UGT1A7: variants seen among roughly 807,000 people sequenced by gnomAD.
UGT1A7 encodes UDP glucuronosyltransferase family 1 member A7.
Under a neutral mutation model 45.6 loss-of-function variants are expected in UGT1A7, and 33 were observed. The observed-to-expected ratio is 0.72, with a 90% CI of 0.55 to 0.97. UGT1A7 has a LOEUF of 0.97. UGT1A7 is among the 50% of genes least tolerant of loss of function. The pLI is 0.00. For missense variants in UGT1A7, 684 were observed against 666.2 expected, an observed-to-expected ratio of 1.03 and a Z score of -0.29; for synonymous variants, 274 against 250.6, an observed-to-expected ratio of 1.09 and a Z score of -0.88.
chr2:233,730,094 A>T, intron 1 of UGT1A7: 1 of 1,593,062 alleles, frequency 6.3e-7, no homozygotes, highest in Non-Finnish European at 8.5e-7. Context: ...ATCTTTCCAA[A>T]TATTTCATTT....
At chr2:233,743,408 C>T in intron 1 of UGT1A7, 1 of 1,315,376 alleles carries the variant, frequency 7.6e-7, no homozygotes. Flanking sequence ...GAAAGGCCCC[C>T]ACTTCCCAGG....
chr2:233,721,938 A>G (rs2076981722), intron 1 of UGT1A7: 13 of 361,422 alleles, frequency 3.6e-5, no homozygotes, highest in South Asian at 2.7e-4. Flanking sequence ...TCCTTCAGAC[A>G]CTTGGTGGCT....
chr2:233,682,812 G>A lies in UGT1A7; in HGVS notation c.855+20G>A, dbSNP rs1274355899. On this transcript the variant is annotated intron_variant, in intron 1 of 4. Coordinates refer to ENST00000373426, the MANE Select transcript of UGT1A7 (RefSeq NM_019077.3). ...CCTATGGTAAGTTATCTCCCCTTTA[G>A]CACATTAAGAATAATCTGGCTTTGG... The A allele has an allele frequency of 3.8e-6, 6 of 1,593,294 alleles. No homozygotes were observed. In the Admixed American group the frequency reaches 8.7e-5, roughly 23 times the overall value.
At chr2:233,743,603 C>T (rs1273601432) in intron 1 of UGT1A7, 1 of 1,367,314 alleles carries the variant, frequency 7.3e-7, no homozygotes, top group East Asian at 4.6e-5. Context: ...GTCCTGGCCG[C>T]CGAAGAACTC....
In UGT1A7 at chr2:233,772,377, C is replaced by T. The variant is rs72551359; in HGVS notation, c.1411C>T (p.Leu471=). The T allele has an allele frequency of 6.2e-7, 1 of 1,614,256 alleles. No homozygotes were observed. Among genetic ancestry groups the T allele is most frequent in the Non-Finnish European group, 8.5e-7 (1 of 1,180,050 alleles). The change falls in exon 5 of 5, where the codon CTG becomes TTG. Residue 471 remains leucine (L), a synonymous_variant. Coordinates refer to ENST00000373426, the MANE Select transcript of UGT1A7 (RefSeq NM_019077.3). The stretch of plus-strand genomic sequence containing the variant: ...GATGAGGCACAAGGGCGCGCCACAC[C>T]TGCGCCCCGCAGCCCACGACCTCAC... ...FVMRHKGAPH[L]RPAAHDLTWY...
At chr2:233,744,534 G>A (rs1692839516) in intron 1 of UGT1A7, among the ~76,000 whole-genome samples, 1 of 151,902 alleles carries the variant, frequency 6.6e-6, no homozygotes. Context: ...TTATTTTTAT[G>A]TAAATTTTAT....
At chr2:233,743,173 A>G (rs890417229) in intron 1 of UGT1A7, 7 of 365,612 alleles carry the variant, frequency 1.9e-5, no homozygotes, top group African/African-American at 1.5e-4. Flanking sequence ...GCTTAAAGTC[A>G]AATGTGGACT....
intron 1 of UGT1A7, among the ~76,000 whole-genome samples, chr2:233,745,386 T>C (rs765197385): frequency 3.3e-5 from 5 of 151,842 alleles, no homozygotes; most frequent in Non-Finnish European, 7.4e-5. Flanking sequence ...TTCACCTCCT[T>C]ATTCTCTTTT....
chr2:233,728,748 G>A (rs2077747178), intron 1 of UGT1A7, among the ~76,000 whole-genome samples: 1 of 152,206 alleles, frequency 6.6e-6, no homozygotes, highest in African/African-American at 2.4e-5. Flanking sequence ...TAGGGCAATG[G>A]TGACTCCTCA....
At position 233,760,794 on chromosome 2, in the gene UGT1A7, ATTC is replaced by A. The variant is rs587776762; in HGVS notation, c.856-6234_856-6232del. On this transcript the variant is annotated intron_variant, in intron 1 of 4. Transcript: ENST00000373426. The stretch of plus-strand genomic sequence containing the variant: ...CCCAGTACCTGTCTCTGCCCACTGT[ATTC>A]TTCTTGCATGCACTGCCATGCAGCC... 8.7e-6 allele frequency: 14 copies of A among 1,613,302 alleles called. No homozygotes were observed. Among genetic ancestry groups the A allele is most frequent in the Non-Finnish European group, 1.2e-5 (14 of 1,179,518 alleles).
At chr2:233,764,663 C>T (rs4148325) in intron 1 of UGT1A7, among the ~76,000 whole-genome samples, 54,844 of 151,792 alleles carry the variant, frequency 0.36, 10,318 homozygotes, top group African/African-American at 0.45. Flanking sequence ...CATTTACCAA[C>T]GCTCAGAAGA....
intron 1 of UGT1A7, chr2:233,741,799 G>C (rs1253457401): frequency 6.6e-6 from 1 of 151,906 alleles, no homozygotes; most frequent in Non-Finnish European, 1.5e-5. Flanking sequence ...TTACCAGCAT[G>C]CTGCTCTTAA....
At chr2:233,724,137 G>C (rs1240134584) in intron 1 of UGT1A7, among the ~76,000 whole-genome samples, 1 of 114,506 alleles carries the variant, frequency 8.7e-6, no homozygotes, top group Non-Finnish European at 1.8e-5. Context: ...CCTCCCGGAC[G>C]GGGCGGCTGG....
intron 4 of UGT1A7, 80 bp from the exon 5 acceptor site, chr2:233,772,181 TC>T: frequency 6.3e-7 from 1 of 1,588,120 alleles, no homozygotes; most frequent in Non-Finnish European, 8.6e-7. Context: ...CTGGTAGTCT[TC>T]TTAAGCAGCC....
chr2:233,769,853 G>T lies in UGT1A7; in HGVS notation c.1295+1414G>T. On this transcript the variant is annotated intron_variant, in intron 4 of 4. Transcript: ENST00000373426. This position sits in a 1 kb window ranked among gnomAD's most constrained non-coding sequence, Gnocchi z 4.4. ...AACCTGGGCAACAGAGTGAGACCCT[G>T]TCTCAAAAAAAAAAAAAAAAATGAA... The T allele has an allele frequency of 4.6e-5, 18 of 388,562 alleles. No individual in the cohort carries two copies. The highest frequency in any genetic ancestry group is 9.6e-5 in the East Asian group (2 of 20,776). 24.1% of individuals were successfully genotyped at this position (388,562 alleles called of 1,614,324 possible).
At chr2:233,747,630 C>G in intron 1 of UGT1A7, 1 of 1,577,990 alleles carries the variant, frequency 6.3e-7, no homozygotes, top group Non-Finnish European at 8.7e-7. Flanking sequence ...CCTGATCAGG[C>G]ACCTGAATGC....
At chr2:233,683,807 T>C (rs149937517) in intron 1 of UGT1A7, among the ~76,000 whole-genome samples, 1 of 152,342 alleles carries the variant, frequency 6.6e-6, no homozygotes, top group Non-Finnish European at 1.5e-5. Flanking sequence ...TATGTAGTCA[T>C]ATTACTAAAC....
intron 1 of UGT1A7, among the ~76,000 whole-genome samples, chr2:233,763,104 C>A (rs548930615): frequency 6.6e-6 from 1 of 152,314 alleles, no homozygotes; most frequent in East Asian, 1.9e-4. Flanking sequence ...AGGCACCGAA[C>A]TTTATCAGCT....
Position 233,682,628 on chromosome 2 carries a change from G to A in UGT1A7, c.691G>A (p.Ala231Thr). 1.9e-6 allele frequency: 3 copies of A among 1,613,870 alleles called. No homozygotes were observed. The highest frequency in any genetic ancestry group is 2.2e-5 in the South Asian group (2 of 91,064). ...TTTTTTCAAAAATGTCTTAGAAATA[G>A]CCTCTGAAATTCTCCAAACCCCTGT... Reference protein sequence around the residue: ...PYFFKNVLEIASEILQTPVTA... With the variant: ...PYFFKNVLEITSEILQTPVTA... Residue 231 changes from alanine (A) to threonine (T), a missense_variant, in exon 1 of 5, where the codon GCC (alanine) becomes ACC (threonine). Coordinates refer to ENST00000373426, the MANE Select transcript of UGT1A7 (RefSeq NM_019077.3).
Sources: gnomAD v4.1 joint callset for allele counts (sites outside exome capture counted in the v4.1 genomes callset) on GRCh38, gnomAD v4.1.1 for gene constraint, Gnocchi (gnomAD v3.1) non-coding constraint, MANE v1.5 for transcripts, NCBI Gene and HGNC (gene_info 2026-07-23, HGNC 2026-07-21) for gene names.